RDH13: variants seen among roughly 807,000 people sequenced by gnomAD.
RDH13 encodes the protein retinol dehydrogenase 13 (all-trans and 9-cis).
Under a neutral mutation model 28.3 loss-of-function variants are expected in RDH13, and 35 were observed. The ratio of observed to expected loss-of-function variants is 1.24; its 90% CI spans 0.95 to 1.64. RDH13 has a LOEUF of 1.64. Ranked by LOEUF, RDH13 falls within the 40% of genes most tolerant of loss-of-function variation. The probability of loss-of-function intolerance (pLI) is 0.00; values close to 1 mark genes in which losing one functional copy is unlikely to be tolerated. For missense variants in RDH13, 514 were observed against 446.3 expected (o/e 1.15, Z -1.37); for synonymous variants, 229 against 198.5 (o/e 1.15, Z -1.29).
downstream of RDH13, among the ~76,000 whole-genome samples, chr19:55,039,993 A>T (rs1345205885): frequency 6.6e-6 from 1 of 152,228 alleles, no homozygotes; most frequent in Non-Finnish European, 1.5e-5. Flanking sequence ...TCAAATTCAT[A>T]GAGACAGGGA....
chr19:55,049,278 G>A (rs762540096), intron 3 of RDH13, among the ~76,000 whole-genome samples: 30 of 152,236 alleles, frequency 2.0e-4, no homozygotes, highest in African/African-American at 6.7e-4. Context: ...GAGCCCCGAG[G>A]CCAAAAACGG....
intron 1 of RDH13, among the ~76,000 whole-genome samples, chr19:55,060,196 C>T (rs1371519668): frequency 7.2e-6 from 1 of 139,184 alleles, no homozygotes; most frequent in African/African-American, 2.6e-5. Flanking sequence ...GCCACTGTCT[C>T]CTGCCTGACC....
In RDH13 at chr19:55,045,065, C is replaced by T. The variant is rs2075161793; in HGVS notation, c.*9G>A. On this transcript the variant is annotated 3_prime_UTR_variant, in exon 7 of 7. Transcript: ENST00000415061. The stretch of plus-strand genomic sequence containing the variant: ...GGCGCCATCCTGGCTTTCAAATCTG[C>T]TCCAGAGGTTATCTGGGGAGGGGCT... 11 of 1,583,858 alleles carry T rather than the reference C, an allele frequency of 6.9e-6. No individual in the cohort carries two copies. Among genetic ancestry groups the T allele is most frequent in the Non-Finnish European group, 9.5e-6 (11 of 1,163,932 alleles).
intron 6 of RDH13, among the ~76,000 whole-genome samples, 160 bp from the exon 7 acceptor site, chr19:55,045,469 C>T (rs531076451): frequency 8.5e-5 from 13 of 152,288 alleles, no homozygotes; most frequent in African/African-American, 3.1e-4. Flanking sequence ...TTCCCTGGCA[C>T]TGCCCAGGCA....
At position 55,063,137 on chromosome 19, in the gene RDH13, G is replaced by T; in HGVS notation, c.-105C>A. ...AAGAGCGCGCGACGCAGCCACAGGC[G>T]AGCGGAGGCGCAGGCGCGGCTGGGC... On this transcript the variant is annotated 5_prime_UTR_variant, in exon 1 of 7. Coordinates refer to ENST00000415061, the MANE Select transcript of RDH13 (RefSeq NM_001145971.2). The T allele has an allele frequency of 1.8e-6, 2 of 1,106,610 alleles. No homozygotes were observed. The highest frequency in any genetic ancestry group is 2.3e-6 in the Non-Finnish European group (2 of 855,222). The allele number at this position is 1,106,610 out of a possible 1,614,324, so 68.5% of individuals were successfully genotyped here. A position where few individuals can be genotyped will look rare whatever the true frequency, so the allele number is the denominator to read the frequency against.
chr19:55,068,135 CTCTT>C (rs1192982533), upstream of RDH13, among the ~76,000 whole-genome samples: 1 of 150,148 alleles, frequency 6.7e-6, no homozygotes, highest in African/African-American at 2.5e-5. Flanking sequence ...CTTTCTTCCT[CTCTT>C]TCTCCCTGTC....
chr19:55,049,777 A>G lies in RDH13; in HGVS notation c.341-1014T>C, dbSNP rs146751442. Among the ~76,000 whole-genome samples, 1,071 of 139,254 alleles carry G rather than the reference A, an allele frequency of 7.7e-3. 14 individuals are homozygous for G. The highest frequency in any genetic ancestry group is 0.025 in the African/African-American group (976 of 38,442). 91.4% of individuals were successfully genotyped at this position (139,254 alleles called of 152,430 possible). On this transcript the variant is annotated intron_variant, in intron 3 of 6. Coordinates refer to ENST00000415061, the MANE Select transcript of RDH13 (RefSeq NM_001145971.2). ...ACACTCCATCCTGGGCAATAAAAGCAAAACTCCATCTCAAAAAAAAAAAAA... is the reference window on the plus strand; with the variant it reads ...ACACTCCATCCTGGGCAATAAAAGCGAAACTCCATCTCAAAAAAAAAAAAA...
intron 3 of RDH13, among the ~76,000 whole-genome samples, chr19:55,055,506 A>G (rs1199817579): frequency 6.6e-6 from 1 of 152,020 alleles, no homozygotes; most frequent in African/African-American, 2.4e-5. Flanking sequence ...TAACAAACAC[A>G]TATTTCTTTA....
At chr19:55,051,254 C>T (rs986696886) in intron 3 of RDH13, among the ~76,000 whole-genome samples, 3 of 152,060 alleles carry the variant, frequency 2.0e-5, no homozygotes, top group Non-Finnish European at 2.9e-5. Context: ...CAGGAGGTGA[C>T]GCAGAAACTG....
At chr19:55,053,235 C>T (rs1174811001) in intron 3 of RDH13, among the ~76,000 whole-genome samples, 1 of 152,220 alleles carries the variant, frequency 6.6e-6, no homozygotes, top group Non-Finnish European at 1.5e-5. Context: ...ATACACACCA[C>T]ATAAAATGGA....
chr19:55,041,286 G>A (rs1256487353), downstream of RDH13: 2 of 152,182 alleles, frequency 1.3e-5, no homozygotes, highest in Admixed American at 6.6e-5. Flanking sequence ...GCCCTATTGG[G>A]TCCTTTTAAA....
chr19:55,054,695 A>C (rs1369203183), intron 3 of RDH13, among the ~76,000 whole-genome samples: 1 of 151,742 alleles, frequency 6.6e-6, no homozygotes, highest in East Asian at 2.0e-4. Context: ...CAGCCTCCTG[A>C]GTAGCTGGGA....
At chr19:55,043,747 G>T (rs904512533), downstream of RDH13, among the ~76,000 whole-genome samples, 1 of 152,078 alleles carries the variant, frequency 6.6e-6, no homozygotes, top group African/African-American at 2.4e-5. Flanking sequence ...TTTCTATCTC[G>T]ATTACTGAGC....
chr19:55,049,704 G>A (rs1427017559), intron 3 of RDH13, among the ~76,000 whole-genome samples: 2 of 150,958 alleles, frequency 1.3e-5, no homozygotes, highest in African/African-American at 4.9e-5. Context: ...CGGGAAAATC[G>A]CTTGAAACCA....
At position 55,062,970 on chromosome 19, in the gene RDH13, G is replaced by A; in HGVS notation, c.63C>T (p.Leu21=). 1 of 1,481,876 alleles carries A rather than the reference G, an allele frequency of 6.7e-7. No homozygotes were observed. Among genetic ancestry groups the A allele is most frequent in the Non-Finnish European group, 8.9e-7 (1 of 1,119,304 alleles). The allele number at this position is 1,481,876 out of a possible 1,614,324, so 91.8% of individuals were successfully genotyped here. A position where few individuals can be genotyped will look rare whatever the true frequency, so the allele number is the denominator to read the frequency against. ...ACGCGGGGCTAGAATGTACTCACTT[G>A]AGCAGCACGGCGGCGCCTGCTACCG... is the stretch of plus-strand genomic sequence containing the variant. ...LGTVAGAAVL[L]KDYVTGGACP... Residue 21 remains leucine, a splice_region_variant and synonymous_variant, in exon 1 of 7, where the codon CTC becomes CTT. Transcript: ENST00000415061.
At chr19:55,047,235 A>G (rs2075265623) in intron 6 of RDH13, 152 bp downstream of exon 6, 2 of 1,420,370 alleles carry the variant, frequency 1.4e-6, no homozygotes, top group East Asian at 2.6e-5. Flanking sequence ...TCAACGGAGG[A>G]AAGGGACCTG....
upstream of RDH13, chr19:55,063,276 T>A: frequency 2.6e-6 from 1 of 391,246 alleles, no homozygotes; most frequent in Non-Finnish European, 4.5e-6. Flanking sequence ...GATTGGTGGT[T>A]TCAGGAGCCT....
chr19:55,061,426 A>G (rs1033909466), intron 1 of RDH13, among the ~76,000 whole-genome samples: 1 of 151,350 alleles, frequency 6.6e-6, no homozygotes, highest in Non-Finnish European at 1.5e-5. Flanking sequence ...ACCACACCCA[A>G]CAACCTCTCC....
intron 6 of RDH13, 141 bp downstream of exon 6, chr19:55,047,246 T>C (rs1402311292): frequency 6.9e-7 from 1 of 1,446,376 alleles, no homozygotes; most frequent in East Asian, 2.5e-5. Context: ...AAGGGACCTG[T>C]GCTCTGTGCC....
Sources: allele counts gnomAD v4.1 joint callset (sites outside exome capture counted in the v4.1 genomes callset), GRCh38; gene constraint gnomAD v4.1.1; transcripts MANE v1.5; gene names NCBI Gene and HGNC (gene_info 2026-07-23, HGNC 2026-07-21).